The following TBC1D14 variants were observed in gnomAD, a reference collection of about 807,000 sequenced individuals.
TBC1D14 encodes TBC1 domain family member 14, also known as TBC1 domain family, member 14.
In TBC1D14, 26 loss-of-function variants were observed where a neutral mutation model predicts 79.0. The ratio of observed to expected loss-of-function variants is 0.33; its 90% CI spans 0.24 to 0.46. The LOEUF (loss-of-function observed/expected upper bound fraction) is 0.46. TBC1D14 is among the 20% of genes least tolerant of loss of function. TBC1D14 has a pLI of 1.00. For synonymous variants in TBC1D14, 394 were observed against 349.9 expected (o/e 1.13, Z -1.40); for missense variants, 769 against 887.6 (o/e 0.87, Z 1.70).
intron 3 of TBC1D14, among the ~76,000 whole-genome samples, chr4:6,988,685 G>T (rs1466972322): frequency 1.3e-5 from 2 of 152,208 alleles, no homozygotes; most frequent in African/African-American, 4.8e-5. Flanking sequence ...CACAGGATTT[G>T]ACTGATGACC....
chr4:7,027,625 C>T (rs1722551964), intron 13 of TBC1D14, among the ~76,000 whole-genome samples: 1 of 147,062 alleles, frequency 6.8e-6, no homozygotes, highest in African/African-American at 2.5e-5. Flanking sequence ...CACATCCACA[C>T]ACAATCACCC....
At chr4:6,973,142 C>A (rs181568031) in intron 3 of TBC1D14, among the ~76,000 whole-genome samples, 3 of 152,154 alleles carry the variant, frequency 2.0e-5, no homozygotes, top group Non-Finnish European at 4.4e-5. Flanking sequence ...GAGTACATGG[C>A]CTGTTGTGTT....
chr4:7,030,376 C>T lies in TBC1D14; in HGVS notation c.2066C>T (p.Pro689Leu), dbSNP rs555244361. 1.9e-6 allele frequency: 3 copies of T among 1,613,914 alleles called. No individual in the cohort carries two copies. Among genetic ancestry groups the T allele is most frequent in the African/African-American group, 2.7e-5 (2 of 75,034 alleles). ...AGCCGGGAAATGGAGAAGGGAAGTC[C>T]GTCCCTCCGACACTGAGGCTGCAGC... is the stretch of plus-strand genomic sequence containing the variant. ...KDSREMEKGS[P>L]SLRH Residue 689 changes from proline to leucine, a missense_variant, in exon 14 of 14, where the codon CCG (proline) becomes CTG (leucine). Physicochemically the swap from Pro to Leu is moderately conservative, Grantham distance 98 (BLOSUM62 -3). This residue lies in a region of TBC1D14 where 367 missense variants were observed against 494.4 expected (regional missense o/e 0.74). Transcript: ENST00000409757.
intron 2 of TBC1D14, among the ~76,000 whole-genome samples, chr4:6,939,315 C>G (rs1324410576): frequency 6.6e-6 from 1 of 152,028 alleles, no homozygotes; most frequent in Non-Finnish European, 1.5e-5. Context: ...TGAGAAGAAT[C>G]CACAGGAGCC....
At chr4:7,002,100 T>G (rs1719732291) in intron 7 of TBC1D14, among the ~76,000 whole-genome samples, 1 of 152,202 alleles carries the variant, frequency 6.6e-6, no homozygotes, top group Non-Finnish European at 1.5e-5. Flanking sequence ...ACAGGTTATC[T>G]TAGCCTCATC....
chr4:6,957,592 G>A (rs1200400638), intron 2 of TBC1D14, among the ~76,000 whole-genome samples: 2 of 152,212 alleles, frequency 1.3e-5, no homozygotes, highest in African/African-American at 2.4e-5. Context: ...AGGAATTTGG[G>A]CTGGTGATTG....
intron 7 of TBC1D14, chr4:7,001,573 G>T: frequency 3.6e-6 from 1 of 280,630 alleles, no homozygotes; most frequent in African/African-American, 2.2e-5. Context: ...GAGTGTGGAA[G>T]GGGCAGGTGG....
At chr4:6,962,672 G>T (rs1055536693) in intron 2 of TBC1D14, among the ~76,000 whole-genome samples, 3 of 152,052 alleles carry the variant, frequency 2.0e-5, no homozygotes, top group Non-Finnish European at 4.4e-5. Flanking sequence ...CTCTCAGCCT[G>T]CTCCAGGGAG....
intron 7 of TBC1D14, among the ~76,000 whole-genome samples, chr4:7,003,087 T>C (rs1719833032): frequency 6.6e-6 from 1 of 152,166 alleles, no homozygotes; most frequent in Non-Finnish European, 1.5e-5. Flanking sequence ...CTAATAGTAC[T>C]ATTAAAACTT....
chr4:6,920,357 C>T (rs993325781), intron 1 of TBC1D14, among the ~76,000 whole-genome samples: 7 of 151,812 alleles, frequency 4.6e-5, no homozygotes, highest in Admixed American at 3.3e-4. Flanking sequence ...GCTATGAGTC[C>T]TTGAACTCCT....
At chr4:6,948,707 GTT>G (rs71173474) in intron 2 of TBC1D14, among the ~76,000 whole-genome samples, 3 of 135,380 alleles carry the variant, frequency 2.2e-5, no homozygotes, top group Non-Finnish European at 4.8e-5. Context: ...GGGGTACTTG[GTT>G]TTTTTTTTTT....
rs12508544 is a variant in TBC1D14, at chr4:6,919,754, A to G, written c.-17-3619A>G. 8.4e-3 allele frequency among the ~76,000 whole-genome samples: 1,274 copies of G among 151,184 alleles called. 62 individuals are homozygous for G. The highest frequency in any genetic ancestry group is 0.076 in the Admixed American group (1,147 of 15,188). On this transcript the variant is annotated intron_variant, in intron 1 of 13. Transcript: ENST00000409757. ...TCCTGCCTCAGCCTCCTGAGTAGCT[A>G]GGATTACAGGCGTGCGCCACCATGC... is the stretch of plus-strand genomic sequence containing the variant.
chr4:7,024,754 G>T (rs1373862623), intron 12 of TBC1D14, among the ~76,000 whole-genome samples: 2 of 152,218 alleles, frequency 1.3e-5, no homozygotes, highest in Non-Finnish European at 2.9e-5. Flanking sequence ...CATATTCCTT[G>T]CAGGCAGGAG....
chr4:7,000,549 T>C (rs1719560893), intron 6 of TBC1D14, among the ~76,000 whole-genome samples: 1 of 152,240 alleles, frequency 6.6e-6, no homozygotes. Flanking sequence ...GGGGGCCTGG[T>C]TTGCCCAGGC....
chr4:6,995,880 A>G (rs1485487977), intron 4 of TBC1D14: 1 of 155,122 alleles, frequency 6.4e-6, no homozygotes, highest in Non-Finnish European at 1.4e-5. Context: ...TCTGTCGCCC[A>G]GGCTGGAGTG....
chr4:7,006,010 A>G (rs1437736139), intron 8 of TBC1D14, among the ~76,000 whole-genome samples: 1 of 152,222 alleles, frequency 6.6e-6, no homozygotes, highest in African/African-American at 2.4e-5. Context: ...AATTCTAAAA[A>G]GTATAAAACA....
intron 1 of TBC1D14, among the ~76,000 whole-genome samples, chr4:6,914,589 C>A (rs541331078): frequency 7.2e-5 from 11 of 152,292 alleles, no homozygotes; most frequent in African/African-American, 2.6e-4. Flanking sequence ...TCTTTCAGCT[C>A]TTTGGGTGGT....
At chr4:6,926,097 G>A (rs78641548) in intron 2 of TBC1D14, among the ~76,000 whole-genome samples, 1 of 152,226 alleles carries the variant, frequency 6.6e-6, no homozygotes, top group Non-Finnish European at 1.5e-5. Context: ...ACCGTGCGCG[G>A]AGGAGCGTGG....
At chr4:7,002,958 G>A (rs1719821874) in intron 7 of TBC1D14, among the ~76,000 whole-genome samples, 2 of 152,204 alleles carry the variant, frequency 1.3e-5, no homozygotes, top group Non-Finnish European at 2.9e-5. Flanking sequence ...TGGCTCGTGT[G>A]TGTGGGGCCA....
Sources: gnomAD v4.1 joint callset for allele counts (sites outside exome capture counted in the v4.1 genomes callset) on GRCh38, gnomAD v4.1.1 for gene constraint, gnomAD v4.1.1 regional missense constraint, MANE v1.5 for transcripts, NCBI Gene and HGNC (gene_info 2026-07-23, HGNC 2026-07-21) for gene names.